DENND3: variants seen among roughly 807,000 people sequenced by gnomAD.
DENND3 encodes DENN domain-containing protein 3.
DENND3 carries 88 observed loss-of-function variants against 135.1 expected under a neutral mutation model. The ratio of observed to expected loss-of-function variants is 0.65; its 90% CI spans 0.55 to 0.78. The LOEUF is 0.78. DENND3 is among the 30% of genes least tolerant of loss of function. The probability of loss-of-function intolerance (pLI) is 0.00; values close to 1 mark genes in which losing one functional copy is unlikely to be tolerated. For synonymous variants in DENND3, 693 were observed against 712.3 expected, an observed-to-expected ratio of 0.97 and a Z score of 0.43; for missense variants, 1,392 against 1,688.4, an observed-to-expected ratio of 0.82 and a Z score of 3.08.
At chr8:141,153,163 G>A (rs1477882543) in intron 7 of DENND3, among the ~76,000 whole-genome samples, 1 of 148,064 alleles carries the variant, frequency 6.8e-6, no homozygotes, top group Non-Finnish European at 1.5e-5. Context: ...GCGTGATCTC[G>A]GCTCATGGCA....
chr8:141,187,629 A>T (rs1371367694), intron 18 of DENND3, among the ~76,000 whole-genome samples: 1 of 149,288 alleles, frequency 6.7e-6, no homozygotes, highest in Non-Finnish European at 1.5e-5. Flanking sequence ...AATACTGTGA[A>T]CTCAAATACA....
rs1825212452 is a variant in DENND3 at position 141,195,252 on chromosome 8, G to A, written c.*1019G>A. Reference sequence around the variant, plus strand: ...CTTAAATGTTCTACGGAAGGTTCTGGTGTGGTTGTTGGAGCCGGAGGGAGC... The same window carrying A: ...CTTAAATGTTCTACGGAAGGTTCTGATGTGGTTGTTGGAGCCGGAGGGAGC... On this transcript the variant is annotated 3_prime_UTR_variant, in exon 23 of 23. Coordinates refer to ENST00000519811, the MANE Select transcript of DENND3 (RefSeq NM_001352890.3). The A allele has an allele frequency of 6.6e-6, 1 of 152,384 alleles. No individual in the cohort carries two copies. Among genetic ancestry groups the A allele is most frequent in the Non-Finnish European group, 1.5e-5 (1 of 68,068 alleles). 9.4% of individuals were successfully genotyped at this position (152,384 alleles called of 1,614,324 possible).
At chr8:141,140,632 G>A (rs1817333655) in intron 3 of DENND3, among the ~76,000 whole-genome samples, 1 of 152,194 alleles carries the variant, frequency 6.6e-6, no homozygotes, top group Non-Finnish European at 1.5e-5. Flanking sequence ...TATCTTATAA[G>A]TACCCTAAAT....
intron 9 of DENND3, among the ~76,000 whole-genome samples, chr8:141,161,533 A>G (rs2154613078): frequency 6.6e-6 from 1 of 152,328 alleles, no homozygotes; most frequent in Non-Finnish European, 1.5e-5. Flanking sequence ...CACTTAAGGA[A>G]TGTATGGCAA....
rs554823514 is a variant in DENND3, at chr8:141,139,605, C to T, written c.501+1468C>T. ...AGTGTTCCAGATGAGAAAGGATCCACGATGTTGGATCTTTCAGAAAAGCAC... is the reference window on the plus strand; with the variant it reads ...AGTGTTCCAGATGAGAAAGGATCCATGATGTTGGATCTTTCAGAAAAGCAC... On this transcript the variant is annotated intron_variant, in intron 3 of 22. Transcript: ENST00000519811. This position sits in a 1 kb window ranked among gnomAD's most constrained non-coding sequence, Gnocchi z 4.2. Among the ~76,000 whole-genome samples, 57 of 152,298 alleles carry T rather than the reference C, an allele frequency of 3.7e-4. No homozygotes were observed. Among genetic ancestry groups the T allele is most frequent in the African/African-American group, 1.3e-3 (52 of 41,562 alleles).
chr8:141,157,559 C>T, intron 8 of DENND3: 2 of 985,876 alleles, frequency 2.0e-6, no homozygotes, highest in African/African-American at 1.7e-5. Flanking sequence ...CTGGTGAAGC[C>T]TGTGATGCAG....
chr8:141,151,608 T>G lies in DENND3; in HGVS notation c.856-11T>G, dbSNP rs1370511347. 3.1e-6 allele frequency: 5 copies of G among 1,612,962 alleles called. No individual in the cohort carries two copies. The Admixed American group carries it at 8.3e-5, about 27-fold the overall frequency. On this transcript the variant is annotated splice_polypyrimidine_tract_variant and intron_variant, in intron 6 of 22. Coordinates refer to ENST00000519811, the MANE Select transcript of DENND3 (RefSeq NM_001352890.3). ...AAAGCATGTACTCAGTGCGGCGGGT[T>G]CTCCCCTCAGATCCTGACATGCATC...
At position 141,130,399 on chromosome 8, in the gene DENND3, C is replaced by T. The variant is rs1475157879; in HGVS notation, c.102+1590C>T. Among the ~76,000 whole-genome samples, 1 of 151,976 alleles carries T rather than the reference C, an allele frequency of 6.6e-6. No homozygotes were observed. The highest frequency in any genetic ancestry group is 1.5e-5 in the Non-Finnish European group (1 of 67,992). On this transcript the variant is annotated intron_variant, in intron 1 of 22. Coordinates refer to ENST00000519811, the MANE Select transcript of DENND3 (RefSeq NM_001352890.3). The surrounding 1 kb of genome is among the most constrained non-coding windows in gnomAD (Gnocchi z 4.2). Reference sequence around the variant, plus strand: ...GTGCATTCCTGAACTAAACACGCTGCAACATTTTCATGTTCCCAGGTCAAG... The same window carrying T: ...GTGCATTCCTGAACTAAACACGCTGTAACATTTTCATGTTCCCAGGTCAAG...
chr8:141,166,158 A>G lies in DENND3; in HGVS notation c.1554-32A>G. 5 of 1,602,438 alleles carry G rather than the reference A, an allele frequency of 3.1e-6. No homozygotes were observed. The highest frequency in any genetic ancestry group is 4.3e-6 in the Non-Finnish European group (5 of 1,169,640). On this transcript the variant is annotated intron_variant, in intron 11 of 22. Coordinates refer to ENST00000519811, the MANE Select transcript of DENND3 (RefSeq NM_001352890.3). The surrounding 1 kb of genome is among the most constrained non-coding windows in gnomAD (Gnocchi z 4.3). ...TTATTCTTCAATCATTATTGTGTCT[A>G]TAAACTAACGCGTTGCTTTTTCGTA... is the stretch of plus-strand genomic sequence containing the variant.
intron 14 of DENND3, chr8:141,176,158 C>T (rs1205270404): frequency 5.4e-6 from 1 of 186,544 alleles, no homozygotes; most frequent in Non-Finnish European, 1.1e-5. Context: ...GTAGATCCCC[C>T]TCTTGCTGTT....
chr8:141,170,452 A>ACCTCT (rs2154613224), intron 13 of DENND3, among the ~76,000 whole-genome samples: 1 of 151,924 alleles, frequency 6.6e-6, no homozygotes, highest in East Asian at 1.9e-4. Flanking sequence ...CGCGCGCTGT[A>ACCTCT]CCTCTCCCTG....
Position 141,138,267 on chromosome 8 carries a change from C to T in DENND3, c.501+130C>T. 4 of 962,496 alleles carry T rather than the reference C, an allele frequency of 4.2e-6. No homozygotes were observed. Among genetic ancestry groups the T allele is most frequent in the Non-Finnish European group, 6.2e-6 (4 of 642,240 alleles). The allele number at this position is 962,496 out of a possible 1,614,324, so 59.6% of individuals were successfully genotyped here. On this transcript the variant is annotated intron_variant, in intron 3 of 22. Coordinates refer to ENST00000519811, the MANE Select transcript of DENND3 (RefSeq NM_001352890.3). This position sits in a 1 kb window ranked among gnomAD's most constrained non-coding sequence, Gnocchi z 4.8. ...AGTTCCGTAACATTAAGTACATTCA[C>T]AGCATTGTGCAACCACCACCAATGT...
chr8:141,150,348 A>G, intron 5 of DENND3: 1 of 1,269,230 alleles, frequency 7.9e-7, no homozygotes, highest in Non-Finnish European at 1.0e-6. Flanking sequence ...GTGACTTCAA[A>G]GTAATACATT....
chr8:141,195,050 C>T lies in DENND3; in HGVS notation c.*817C>T, dbSNP rs67745429. 7,925 of 152,252 alleles carry T rather than the reference C, an allele frequency of 0.052. 253 individuals are homozygous for T. Among genetic ancestry groups the T allele is most frequent in the South Asian group, 0.11 (522 of 4,818 alleles). The allele number at this position is 152,252 out of a possible 1,614,324, so 9.4% of individuals were successfully genotyped here. A position where few individuals can be genotyped will look rare whatever the true frequency, so the allele number is the denominator to read the frequency against. ...AGCGTGCCGCTCAGTTCCCCGAATC[C>T]GTGTGCACACGTGTGATCTCGTCTT... On this transcript the variant is annotated 3_prime_UTR_variant, in exon 23 of 23. Transcript: ENST00000519811.
In DENND3 at chr8:141,151,553, G is replaced by A. The variant is rs909370605; in HGVS notation, c.856-66G>A. On this transcript the variant is annotated intron_variant, in intron 6 of 22. Transcript: ENST00000519811. ...TCCAGCCTGGGCTGGGCAACACAGC[G>A]AGACCCTGTCTGTATTTTTTTTTTT... The A allele has an allele frequency of 6.7e-6, 10 of 1,483,164 alleles. No individual in the cohort carries two copies. In the East Asian group the frequency reaches 1.1e-4, roughly 17 times the overall value. The allele number at this position is 1,483,164 out of a possible 1,614,324, so 91.9% of individuals were successfully genotyped here. A position where few individuals can be genotyped will look rare whatever the true frequency, so the allele number is the denominator to read the frequency against.
At position 141,167,990 on chromosome 8, in the gene DENND3, CCT is replaced by C. The variant is rs752897055; in HGVS notation, c.1754-13_1754-12del. Reference sequence around the variant, plus strand: ...TCTGTGCTAATGGTCTCCTTTTCCCCCTGAATGTTTTAGTTCTGAATGTCACG... The same window carrying C: ...TCTGTGCTAATGGTCTCCTTTTCCCCGAATGTTTTAGTTCTGAATGTCACG... On this transcript the variant is annotated splice_polypyrimidine_tract_variant and intron_variant, in intron 12 of 22. Transcript: ENST00000519811. The surrounding 1 kb of genome is among the most constrained non-coding windows in gnomAD (Gnocchi z 4.1). The C allele has an allele frequency of 5.6e-6, 9 of 1,598,068 alleles. No individual in the cohort carries two copies. Among genetic ancestry groups the C allele is most frequent in the African/African-American group, 1.3e-5 (1 of 74,782 alleles).
At position 141,166,207 on chromosome 8, in the gene DENND3, T is replaced by C. The variant is rs1820768146; in HGVS notation, c.1571T>C (p.Leu524Pro). The change falls in exon 12 of 23, where the codon CTA (leucine) becomes CCA (proline). Residue 524 changes from leucine (L) to proline (P), a missense_variant. Leu to Pro is a moderately conservative substitution (Grantham distance 98). Transcript: ENST00000519811. This position sits in a 1 kb window ranked among gnomAD's most constrained non-coding sequence, Gnocchi z 4.3. ...TACCCCAGAATAAATGGAATGCTTC[T>C]AAGTCCAAGGAGACCGACCGTTGAG... ...SEEDRINGML[L>P]SPRRPTVEKR... 2 of 1,614,224 alleles carry C rather than the reference T, an allele frequency of 1.2e-6. No individual in the cohort carries two copies. Among genetic ancestry groups the C allele is most frequent in the Non-Finnish European group, 1.7e-6 (2 of 1,180,036 alleles).
At chr8:141,178,246 T>G in intron 16 of DENND3, 50 bp downstream of exon 16, 1 of 1,572,952 alleles carries the variant, frequency 6.4e-7, no homozygotes, top group South Asian at 1.1e-5. Context: ...TTACACGCCT[T>G]AAGTGATTTT....
chr8:141,138,632 C>T lies in DENND3; in HGVS notation c.501+495C>T, dbSNP rs1024877279. 2.6e-5 allele frequency among the ~76,000 whole-genome samples: 4 copies of T among 152,018 alleles called. No homozygotes were observed. Among genetic ancestry groups the T allele is most frequent in the East Asian group, 1.9e-4 (1 of 5,168 alleles). On this transcript the variant is annotated intron_variant, in intron 3 of 22. Transcript: ENST00000519811. This position sits in a 1 kb window ranked among gnomAD's most constrained non-coding sequence, Gnocchi z 4.8. ...AACTCCTGACCTCAGGTGATCCACC[C>T]GCCTCAGCCTCCCAAAGTGCTGGGA...
Sources: allele counts gnomAD v4.1 joint callset (sites outside exome capture counted in the v4.1 genomes callset), GRCh38; gene constraint gnomAD v4.1.1; non-coding constraint Gnocchi (gnomAD v3.1); transcripts MANE v1.5; gene names NCBI Gene and HGNC (gene_info 2026-07-23, HGNC 2026-07-21).